SHC3: variants seen among roughly 807,000 people sequenced by gnomAD.
The protein encoded by SHC3 is SHC-transforming protein 3.
A neutral mutation model predicts 60.4 loss-of-function variants in SHC3; 15 were observed. The ratio of observed to expected loss-of-function variants is 0.25; its 90% CI spans 0.17 to 0.38. The LOEUF is 0.38. Among genes scored for constraint, SHC3 ranks in the 10% least tolerant of loss-of-function variants. SHC3 has a pLI of 1.00. For missense variants in SHC3, 677 were observed against 786.1 expected (o/e 0.86, Z 1.66); for synonymous variants, 294 against 325.9 (o/e 0.90, Z 1.05).
At chr9:89,095,591 TG>T (rs1437118350) in intron 2 of SHC3, among the ~76,000 whole-genome samples, 1 of 152,070 alleles carries the variant, frequency 6.6e-6, no homozygotes, top group East Asian at 1.9e-4. Flanking sequence ...ATGGTTTCAA[TG>T]GTAAACTTTA....
In SHC3 at chr9:89,052,052, G is replaced by T. The variant is rs1414179811; in HGVS notation, c.947C>A (p.Pro316His). 6.2e-7 allele frequency: 1 copy of T among 1,613,794 alleles called. No homozygotes were observed. The highest frequency in any genetic ancestry group is 1.3e-5 in the African/African-American group (1 of 74,904). ...KQYLQCPTKI[P>H]ALHDRMQSLD... The stretch of plus-strand genomic sequence containing the variant: ...CACTACTCACCGATCATGGAGAGCG[G>T]GAATCTTGGTAGGACACTGTAAATA... The change falls in exon 7 of 12, where the codon CCC becomes CAC. Residue 316 changes from proline (P) to histidine (H), a missense_variant. Physicochemically the swap from Pro to His is moderately conservative, Grantham distance 77. Coordinates refer to ENST00000375835, the MANE Select transcript of SHC3 (RefSeq NM_016848.6).
At chr9:89,116,801 C>T (rs571575269) in intron 1 of SHC3, among the ~76,000 whole-genome samples, 8 of 152,068 alleles carry the variant, frequency 5.3e-5, no homozygotes, top group African/African-American at 1.9e-4. Context: ...ATGTGGATAC[C>T]ATGACAATAC....
chr9:89,120,642 C>G (rs62547213), intron 1 of SHC3, among the ~76,000 whole-genome samples: 1 of 152,154 alleles, frequency 6.6e-6, no homozygotes, highest in South Asian at 2.1e-4. Context: ...ATACAAGATG[C>G]ACTTGCCCTT....
intron 11 of SHC3, among the ~76,000 whole-genome samples, chr9:89,020,636 T>C (rs1826185111): frequency 6.6e-6 from 1 of 152,186 alleles, no homozygotes; most frequent in Non-Finnish European, 1.5e-5. Flanking sequence ...TTGCAGGGGC[T>C]GGCACAAAAC....
chr9:89,049,772 G>A (rs556573902), intron 7 of SHC3, among the ~76,000 whole-genome samples: 5 of 152,114 alleles, frequency 3.3e-5, no homozygotes, highest in East Asian at 1.9e-4. Flanking sequence ...AATCAAATGC[G>A]GCCAACTGTT....
At chr9:89,033,230 A>T (rs1824520518) in intron 11 of SHC3, among the ~76,000 whole-genome samples, 1 of 152,182 alleles carries the variant, frequency 6.6e-6, no homozygotes, top group South Asian at 2.1e-4. Context: ...TAAATATGTT[A>T]TTAGGAGTAC....
intron 11 of SHC3, among the ~76,000 whole-genome samples, chr9:89,019,055 T>C (rs1252227039): frequency 6.8e-6 from 1 of 147,392 alleles, no homozygotes; most frequent in Admixed American, 6.8e-5. Context: ...CAAGACTCTG[T>C]CTCAGAGAAA....
chr9:89,118,320 T>C (rs1260908424), intron 1 of SHC3, among the ~76,000 whole-genome samples: 1 of 151,464 alleles, frequency 6.6e-6, no homozygotes, highest in Non-Finnish European at 1.5e-5. Context: ...AACTGGATTA[T>C]GAAAGCTAAA....
At chr9:89,166,492 G>A (rs890379316) in intron 1 of SHC3, among the ~76,000 whole-genome samples, 2 of 152,236 alleles carry the variant, frequency 1.3e-5, no homozygotes, top group African/African-American at 4.8e-5. Flanking sequence ...GACTGCACAA[G>A]AACCAAAGGA....
intron 6 of SHC3, 129 bp from the exon 7 acceptor site, chr9:89,052,292 GAT>G: frequency 8.8e-7 from 1 of 1,138,618 alleles, no homozygotes; most frequent in Admixed American, 2.6e-5. Flanking sequence ...TGTCCTAGCA[GAT>G]CCAACCACAG....
At chr9:89,099,065 T>C (rs957725671) in intron 2 of SHC3, among the ~76,000 whole-genome samples, 2 of 152,248 alleles carry the variant, frequency 1.3e-5, no homozygotes, top group Non-Finnish European at 2.9e-5. Context: ...TTTAAAATCA[T>C]ATAGAAAGTT....
At chr9:89,127,539 T>A (rs1826182034) in intron 1 of SHC3, among the ~76,000 whole-genome samples, 1 of 152,142 alleles carries the variant, frequency 6.6e-6, no homozygotes, top group African/African-American at 2.4e-5. Context: ...AGTGGATAGA[T>A]CCTGCTTAAA....
At chr9:89,018,931 T>C (rs1826150119) in intron 11 of SHC3, among the ~76,000 whole-genome samples, 1 of 151,604 alleles carries the variant, frequency 6.6e-6, no homozygotes. Flanking sequence ...TCATGGTGGG[T>C]ACCTGTAATC....
In SHC3 at chr9:89,065,534, C is replaced by T. The variant is rs754736278; in HGVS notation, c.830G>A (p.Arg277His). Residue 277 changes from arginine to histidine, a missense_variant, in exon 6 of 12, where the codon CGC becomes CAC. By Grantham distance (29) the Arg-to-His change is conservative. Transcript: ENST00000375835. ...AGGGGTCAAGCACCGCTTACCTCTG[C>T]GATTAACAGGGTCCTTAGCCACATA... ...VAYVAKDPVN[R>H]RACHILECCD... 30 of 1,613,972 alleles carry T rather than the reference C, an allele frequency of 1.9e-5. No individual in the cohort carries two copies. The highest frequency in any genetic ancestry group is 2.4e-5 in the Non-Finnish European group (28 of 1,180,006).
At chr9:89,147,293 T>G (rs549943880) in intron 1 of SHC3, among the ~76,000 whole-genome samples, 1 of 152,036 alleles carries the variant, frequency 6.6e-6, no homozygotes, top group Admixed American at 6.5e-5. Context: ...ATTAGTGAGG[T>G]TCTACATTCA....
chr9:89,046,939 G>A lies in SHC3; in HGVS notation c.1018C>T (p.Pro340Ser), dbSNP rs1306506096. Residue 340 changes from proline (P) to serine (S), a missense_variant, in exon 8 of 12, where the codon CCA becomes TCA. Coordinates refer to ENST00000375835, the MANE Select transcript of SHC3 (RefSeq NM_016848.6). ...TEEEGDGSDH[P>S]YYNSIPSKMP... is the part of the protein sequence containing the mutation. ...TTGCTTGGGATGCTGTTGTAGTATG[G>A]GTGGTCTGAGCCATCTCCCTCCTCT... The A allele has an allele frequency of 1.2e-6, 2 of 1,611,064 alleles. No individual in the cohort carries two copies. Among genetic ancestry groups the A allele is most frequent in the Non-Finnish European group, 1.7e-6 (2 of 1,178,774 alleles).
In SHC3 at chr9:89,178,188, C is replaced by A. The variant is rs1826973476; in HGVS notation, c.273G>T (p.Arg91=). The A allele has an allele frequency of 1.5e-6, 2 of 1,342,482 alleles. No homozygotes were observed. The highest frequency in any genetic ancestry group is 2.7e-4 in the Middle Eastern group (1 of 3,662). The allele number at this position is 1,342,482 out of a possible 1,614,324, so 83.2% of individuals were successfully genotyped here. Reference sequence around the variant, plus strand: ...AGCTGCCCGAGAGCCGCGCGCCCGCCCGCTCCCGGGCGGCCGACGACAGGC... The same window carrying A: ...AGCTGCCCGAGAGCCGCGCGCCCGCACGCTCCCGGGCGGCCGACGACAGGC... ...LRGLSSAARE[R]AGARLSGSCS... is the part of the protein sequence containing the mutation. Residue 91 remains arginine, a synonymous_variant, in exon 1 of 12, where the codon CGG becomes CGT. Coordinates refer to ENST00000375835, the MANE Select transcript of SHC3 (RefSeq NM_016848.6). The surrounding 1 kb of genome is among the most constrained non-coding windows in gnomAD (Gnocchi z 6.9).
chr9:89,025,147 C>T (rs1355613796), intron 11 of SHC3, among the ~76,000 whole-genome samples: 3 of 152,128 alleles, frequency 2.0e-5, no homozygotes, highest in African/African-American at 7.2e-5. Context: ...GCAAAGCCGT[C>T]AGATGGGGAC....
At chr9:89,100,464 C>T (rs1306394705) in intron 2 of SHC3, among the ~76,000 whole-genome samples, 1 of 152,038 alleles carries the variant, frequency 6.6e-6, no homozygotes, top group Non-Finnish European at 1.5e-5. Context: ...GTCTCAAACT[C>T]CCGGCCTCAA....
Sources: gnomAD v4.1 joint callset for allele counts (sites outside exome capture counted in the v4.1 genomes callset) on GRCh38, gnomAD v4.1.1 for gene constraint, Gnocchi (gnomAD v3.1) non-coding constraint, MANE v1.5 for transcripts, NCBI Gene and HGNC (gene_info 2026-07-23, HGNC 2026-07-21) for gene names.